The following TTC28 variants were observed in gnomAD, a reference collection of about 807,000 sequenced individuals.
TTC28 encodes tetratricopeptide repeat protein 28.
In TTC28, 61 loss-of-function variants were observed where a neutral mutation model predicts 198.0. The ratio of observed to expected loss-of-function variants is 0.31; its 90% CI spans 0.25 to 0.38. The LOEUF (loss-of-function observed/expected upper bound fraction) is 0.38. Among genes scored for constraint, TTC28 ranks in the 10% least tolerant of loss-of-function variants. The pLI is 1.00. For missense variants in TTC28, 2,678 were observed against 3,164.0 expected (o/e 0.85, Z 3.69); for synonymous variants, 1,171 against 1,297.8 (o/e 0.90, Z 2.10).
intron 12 of TTC28, among the ~76,000 whole-genome samples, chr22:28,089,160 C>T (rs889718950): frequency 6.6e-6 from 1 of 152,164 alleles, no homozygotes; most frequent in Non-Finnish European, 1.5e-5. Flanking sequence ...CATCCCATTA[C>T]TGAGTATATA....
intron 2 of TTC28, among the ~76,000 whole-genome samples, chr22:28,325,759 AT>A (rs1664784119): frequency 6.6e-6 from 1 of 152,174 alleles, no homozygotes; most frequent in Non-Finnish European, 1.5e-5. Flanking sequence ...ATCATTAGCC[AT>A]TAAGAAAACA....
At position 28,096,228 on chromosome 22, in the gene TTC28, G is replaced by A. The variant is rs937980653; in HGVS notation, c.3728C>T (p.Ala1243Val). 3 of 1,551,006 alleles carry A rather than the reference G, an allele frequency of 1.9e-6. No homozygotes were observed. Among genetic ancestry groups the A allele is most frequent in the Admixed American group, 3.9e-5 (2 of 50,966 alleles). ...RGLVLYYSLA[A>V]GYLYSWLLAP... is the part of the protein sequence containing the mutation. ...CAGCAGCCAGCTATACAGATAGCCT[G>A]CAGCCAGGGAATAGTAAAGCACTAG... Residue 1243 changes from alanine (A) to valine (V), a missense_variant, in exon 11 of 23, where the codon GCA becomes GTA. By Grantham distance (64) the Ala-to-Val change is moderately conservative. Around this residue, in one of 8 missense-constraint regions of TTC28, gnomAD observed 727 missense variants for 861.9 expected, o/e 0.84. Coordinates refer to ENST00000397906, the MANE Select transcript of TTC28 (RefSeq NM_001145418.2).
chr22:28,374,579 A>T (rs1237894087), intron 2 of TTC28, among the ~76,000 whole-genome samples: 1 of 152,234 alleles, frequency 6.6e-6, no homozygotes, highest in African/African-American at 2.4e-5. Flanking sequence ...CCAGCTATTT[A>T]GCCTTGAGTT....
At chr22:28,165,341 C>A (rs1921799535) in intron 5 of TTC28, among the ~76,000 whole-genome samples, 1 of 152,146 alleles carries the variant, frequency 6.6e-6, no homozygotes, top group African/African-American at 2.4e-5. Flanking sequence ...CACAAAGATA[C>A]TCCTCGAGAA....
chr22:28,134,806 T>C (rs555955516), intron 6 of TTC28, among the ~76,000 whole-genome samples: 82 of 152,338 alleles, frequency 5.4e-4, no homozygotes, highest in African/African-American at 1.9e-3. Context: ...TGGATAATTT[T>C]AGTTCTAAAC....
chr22:28,172,102 C>T (rs1308831827), intron 5 of TTC28, among the ~76,000 whole-genome samples: 1 of 152,130 alleles, frequency 6.6e-6, no homozygotes, highest in African/African-American at 2.4e-5. Flanking sequence ...GAGGACACAA[C>T]CCACTCCCAC....
intron 21 of TTC28, among the ~76,000 whole-genome samples, chr22:27,987,655 C>T (rs1043054814): frequency 1.3e-5 from 2 of 152,070 alleles, no homozygotes; most frequent in African/African-American, 2.4e-5. Context: ...GAGCTGAGCT[C>T]GCGCCACTGC....
In TTC28 at chr22:27,985,277, G is replaced by C; in HGVS notation, c.5787C>G (p.Phe1929Leu). ...GKQANRRTVHFALQSLLSLFD... is the reference protein window; with the variant it reads ...GKQANRRTVHLALQSLLSLFD... ...ACAGAGACAGCAGGGACTGGAGCGC[G>C]AAGTGCACAGTCCGTCGATTAGCTT... Residue 1929 changes from phenylalanine to leucine, a missense_variant, in exon 22 of 23, where the codon TTC becomes TTG. This residue lies in a region of TTC28 where 314 missense variants were observed against 442.7 expected (regional missense o/e 0.71). Transcript: ENST00000397906. 1 of 1,551,484 alleles carries C rather than the reference G, an allele frequency of 6.4e-7. No individual in the cohort carries two copies. The highest frequency in any genetic ancestry group is 8.7e-7 in the Non-Finnish European group (1 of 1,146,874).
Position 27,981,925 on chromosome 22 carries a change from A to T in TTC28, c.*296T>A. ...TTGTACAAAATCCTGGTGAAGAATC[A>T]TATCAAAGATGAGAAGCAGGGAGTT... On this transcript the variant is annotated 3_prime_UTR_variant, in exon 23 of 23. Transcript: ENST00000397906. 3.1e-6 allele frequency: 1 copy of T among 327,702 alleles called. No homozygotes were observed. Among genetic ancestry groups the T allele is most frequent in the Non-Finnish European group, 5.5e-6 (1 of 181,654 alleles). The allele number at this position is 327,702 out of a possible 1,614,324, so 20.3% of individuals were successfully genotyped here. A position where few individuals can be genotyped will look rare whatever the true frequency, so the allele number is the denominator to read the frequency against.
At chr22:28,468,681 G>A (rs894379919) in intron 2 of TTC28, among the ~76,000 whole-genome samples, 6 of 143,370 alleles carry the variant, frequency 4.2e-5, no homozygotes, top group Non-Finnish European at 9.1e-5. Flanking sequence ...CCGCCAACTC[G>A]CCCGGCTAAT....
chr22:28,359,554 T>C (rs1319908923), intron 2 of TTC28, among the ~76,000 whole-genome samples: 2 of 152,312 alleles, frequency 1.3e-5, no homozygotes, highest in East Asian at 3.9e-4. Flanking sequence ...TCTTAGTATC[T>C]AACACATTTG....
At chr22:28,383,796 T>C (rs1160679266) in intron 2 of TTC28, among the ~76,000 whole-genome samples, 1 of 152,230 alleles carries the variant, frequency 6.6e-6, no homozygotes, top group African/African-American at 2.4e-5. Flanking sequence ...CTCATGTATC[T>C]GGTGTCCTCA....
chr22:28,306,486 T>C lies in TTC28; in HGVS notation c.529+10A>G, dbSNP rs1453317019. 2 of 1,546,916 alleles carry C rather than the reference T, an allele frequency of 1.3e-6. No homozygotes were observed. Among genetic ancestry groups the C allele is most frequent in the African/African-American group, 2.8e-5 (2 of 72,590 alleles). ...ATTAATGTTATACCAAGTACTTTTA[T>C]CATATTTACCTCTCATGGGAGATTT... On this transcript the variant is annotated intron_variant, in intron 3 of 22. Coordinates refer to ENST00000397906, the MANE Select transcript of TTC28 (RefSeq NM_001145418.2).
chr22:28,256,883 C>CA (rs1400047180), intron 5 of TTC28, among the ~76,000 whole-genome samples: 1 of 151,918 alleles, frequency 6.6e-6, no homozygotes, highest in East Asian at 1.9e-4. Context: ...TACCAAAAAT[C>CA]AAAAAAATTA....
At chr22:28,124,117 G>C (rs1215075747) in intron 6 of TTC28, among the ~76,000 whole-genome samples, 1 of 152,084 alleles carries the variant, frequency 6.6e-6, no homozygotes, top group African/African-American at 2.4e-5. Flanking sequence ...TGTCTTCTGA[G>C]AATCACTGTT....
chr22:28,433,741 ACCTCTAATACTAGTT>A (rs1327875248), intron 2 of TTC28, among the ~76,000 whole-genome samples: 5 of 152,032 alleles, frequency 3.3e-5, no homozygotes, highest in African/African-American at 9.7e-5. Context: ...CTTCACATAA[ACCTCTAATACTAGTT>A]CCTTCCACCA....
chr22:28,094,313 G>A, intron 11 of TTC28, 68 bp from the exon 12 acceptor site: 1 of 1,437,412 alleles, frequency 7.0e-7, no homozygotes, highest in Non-Finnish European at 9.2e-7. Flanking sequence ...GTTGAAGGCA[G>A]GGGACAGGAA....
intron 5 of TTC28, among the ~76,000 whole-genome samples, chr22:28,232,236 C>T (rs1162648417): frequency 6.6e-6 from 1 of 152,144 alleles, no homozygotes; most frequent in East Asian, 1.9e-4. Context: ...TGATCAATAA[C>T]GTATTTTGTG....
chr22:28,274,374 C>T (rs947140382), intron 5 of TTC28, among the ~76,000 whole-genome samples: 1 of 152,206 alleles, frequency 6.6e-6, no homozygotes, highest in South Asian at 2.1e-4. Flanking sequence ...AAATGATTCA[C>T]ACACAACTTC....
Sources: gnomAD v4.1 joint callset for allele counts (sites outside exome capture counted in the v4.1 genomes callset) on GRCh38, gnomAD v4.1.1 for gene constraint, gnomAD v4.1.1 regional missense constraint, MANE v1.5 for transcripts, NCBI Gene and HGNC (gene_info 2026-07-23, HGNC 2026-07-21) for gene names.